The following RIMKLB variants were observed in gnomAD, a reference collection of about 807,000 sequenced individuals.
RIMKLB encodes beta-citrylglutamate synthase B.
A neutral mutation model predicts 32.0 loss-of-function variants in RIMKLB; 7 were observed. That is an observed-to-expected ratio of 0.22 (90% CI 0.12 to 0.41). RIMKLB has a LOEUF of 0.41. Ranked by LOEUF, RIMKLB falls within the 10% of genes least tolerant of loss-of-function variation. The pLI is 1.00. For missense variants in RIMKLB, 289 were observed against 498.7 expected, an observed-to-expected ratio of 0.58 and a Z score of 4.00; for synonymous variants, 172 against 185.1, an observed-to-expected ratio of 0.93 and a Z score of 0.57.
chr12:8,737,901 A>G lies in RIMKLB; in HGVS notation c.176-11961A>G, dbSNP rs142936724. 5.1e-3 allele frequency among the ~76,000 whole-genome samples: 774 copies of G among 152,204 alleles called. 11 individuals are homozygous for G. Among genetic ancestry groups the G allele is most frequent in the African/African-American group, 0.017 (724 of 41,518 alleles). On this transcript the variant is annotated intron_variant, in intron 2 of 5. Coordinates refer to ENST00000535829, the MANE Select transcript of RIMKLB (RefSeq NM_001297776.2). ...GGCTAATTTTGTATTTTTAGTAGAG[A>G]CGGAGTTTCTCCATGTTGGTCAGAC...
chr12:8,770,068 GT>G (rs750948491), intron 5 of RIMKLB, among the ~76,000 whole-genome samples: 1 of 151,902 alleles, frequency 6.6e-6, no homozygotes, highest in South Asian at 2.1e-4. Flanking sequence ...CGCTTCCCGG[GT>G]TAAAGTGATT....
intron 5 of RIMKLB, among the ~76,000 whole-genome samples, chr12:8,755,879 C>T (rs1395038708): frequency 6.6e-6 from 1 of 151,994 alleles, no homozygotes; most frequent in African/African-American, 2.4e-5. Flanking sequence ...TGGGGCCAAG[C>T]TTGGTGGCCC....
At chr12:8,720,165 G>A (rs1220645959) in intron 2 of RIMKLB, among the ~76,000 whole-genome samples, 1 of 152,182 alleles carries the variant, frequency 6.6e-6, no homozygotes, top group Non-Finnish European at 1.5e-5. Context: ...TTTCAGTTGT[G>A]AGTAGAATAT....
chr12:8,728,276 T>C (rs776151134), intron 2 of RIMKLB, among the ~76,000 whole-genome samples: 70 of 152,326 alleles, frequency 4.6e-4, no homozygotes, highest in Admixed American at 1.4e-3. Flanking sequence ...GACTGTGTTT[T>C]TGCCTTTTCA....
chr12:8,767,386 A>T (rs1950057042), intron 5 of RIMKLB, among the ~76,000 whole-genome samples: 1 of 152,190 alleles, frequency 6.6e-6, no homozygotes, highest in African/African-American at 2.4e-5. Flanking sequence ...CTGGCTTCGT[A>T]GCCTAGGGGC....
At position 8,701,437 on chromosome 12, in the gene RIMKLB, TC is replaced by T. The variant is rs781506305; in HGVS notation, c.-57+3144del. 3.0e-3 allele frequency among the ~76,000 whole-genome samples: 460 copies of T among 152,168 alleles called. 4 individuals are homozygous for T. Among genetic ancestry groups the T allele is most frequent in the Middle Eastern group, 3.4e-3 (1 of 294 alleles). On this transcript the variant is annotated intron_variant, in intron 1 of 5. Transcript: ENST00000535829. Reference sequence around the variant, plus strand: ...GTTTTCTTTTTCAGTGTTTTTTTTTTCCCCTCTCAAAATTGGCTTGGAGGAC... The same window carrying T: ...GTTTTCTTTTTCAGTGTTTTTTTTTTCCCTCTCAAAATTGGCTTGGAGGAC...
intron 1 of RIMKLB, among the ~76,000 whole-genome samples, chr12:8,700,813 C>A (rs1360470851): frequency 1.3e-5 from 2 of 152,120 alleles, no homozygotes. Context: ...CACCTGTAAT[C>A]CCAGCACTTT....
intron 5 of RIMKLB, among the ~76,000 whole-genome samples, chr12:8,772,348 T>C (rs1307128306): frequency 6.6e-6 from 1 of 152,278 alleles, no homozygotes; most frequent in Non-Finnish European, 1.5e-5. Context: ...GAAAATCTTT[T>C]TGTGCTGAAC....
intron 5 of RIMKLB, among the ~76,000 whole-genome samples, chr12:8,773,053 C>T (rs1235987570): frequency 6.6e-6 from 1 of 151,520 alleles, no homozygotes; most frequent in African/African-American, 2.5e-5. Flanking sequence ...TTATGCTGAA[C>T]TTCCTTATAC....
At position 8,776,827 on chromosome 12, in the gene RIMKLB, AT is replaced by A; in HGVS notation, c.*3044del. The A allele has an allele frequency of 1.0e-6, 1 of 985,836 alleles. No individual in the cohort carries two copies. The highest frequency in any genetic ancestry group is 1.7e-5 in the African/African-American group (1 of 57,368). 61.1% of individuals were successfully genotyped at this position (985,836 alleles called of 1,614,324 possible). ...AGACTTGGCATTCATCAAGCACATT[AT>A]CAGACTTTGAGAACATATTGAAGGC... On this transcript the variant is annotated 3_prime_UTR_variant, in exon 6 of 6. Coordinates refer to ENST00000535829, the MANE Select transcript of RIMKLB (RefSeq NM_001297776.2).
upstream of RIMKLB, among the ~76,000 whole-genome samples, chr12:8,692,684 A>T (rs1591604423): frequency 6.6e-6 from 1 of 152,182 alleles, no homozygotes; most frequent in Admixed American, 6.5e-5. Flanking sequence ...TTTTCTTAGC[A>T]TAGAGAGAAA....
downstream of RIMKLB, chr12:8,779,929 C>G (rs1455147425): frequency 6.6e-6 from 1 of 152,190 alleles, no homozygotes; most frequent in Non-Finnish European, 1.5e-5. Context: ...AAATGTGCAT[C>G]TATGGTCAGT....
chr12:8,697,085 T>C (rs936893769), upstream of RIMKLB: 1 of 152,172 alleles, frequency 6.6e-6, no homozygotes, highest in African/African-American at 2.4e-5. Context: ...TCTTAAAATA[T>C]CTCATTTCAT....
downstream of RIMKLB, chr12:8,777,701 G>T (rs1950816558): frequency 7.8e-7 from 1 of 1,285,310 alleles, no homozygotes; most frequent in Non-Finnish European, 1.0e-6. Flanking sequence ...GAACTTTCGG[G>T]GTCAGTGCCC....
chr12:8,778,660 A>G (rs184306592), downstream of RIMKLB, among the ~76,000 whole-genome samples: 1 of 152,276 alleles, frequency 6.6e-6, no homozygotes, highest in East Asian at 1.9e-4. Flanking sequence ...ACCCCAGTCT[A>G]CCTACCCATT....
chr12:8,669,789 A>G, the RIMKLB span, among the ~76,000 whole-genome samples: 1 of 152,020 alleles, frequency 6.6e-6, no homozygotes, highest in Non-Finnish European at 1.5e-5. Context: ...GCACTTTGGG[A>G]GGCCGAGGCG....
At chr12:8,693,198 T>G (rs1649949661), upstream of RIMKLB, among the ~76,000 whole-genome samples, 1 of 152,164 alleles carries the variant, frequency 6.6e-6, no homozygotes, top group Admixed American at 6.5e-5. Flanking sequence ...AAATTATGTT[T>G]TTCTGGCTGA....
Position 8,698,202 on chromosome 12 carries a change from C to T in RIMKLB, c.-152C>T, listed in dbSNP as rs1943021520. ...ATCCCGACCCCCTCCCCCTCCTCTC[C>T]TTCCCCCACTTCCAGCCGCCCGGCG... On this transcript the variant is annotated 5_prime_UTR_variant, in exon 1 of 6. Transcript: ENST00000535829. 5.4e-6 allele frequency: 2 copies of T among 367,672 alleles called. No homozygotes were observed. Among genetic ancestry groups the T allele is most frequent in the African/African-American group, 2.2e-5 (1 of 44,940 alleles). 22.8% of individuals were successfully genotyped at this position (367,672 alleles called of 1,614,324 possible).
chr12:8,682,254 T>G (rs1942428590), intron 1 of RIMKLB, among the ~76,000 whole-genome samples: 2 of 152,066 alleles, frequency 1.3e-5, no homozygotes. Context: ...ACAAATAACC[T>G]CCAGAGTCTT....
Sources: gnomAD v4.1 joint callset for allele counts (sites outside exome capture counted in the v4.1 genomes callset) on GRCh38, gnomAD v4.1.1 for gene constraint, MANE v1.5 for transcripts, NCBI Gene and HGNC (gene_info 2026-07-23, HGNC 2026-07-21) for gene names.